ARMC2: variants seen among roughly 807,000 people sequenced by gnomAD.
ARMC2 encodes armadillo repeat-containing protein 2.
Under a neutral mutation model 90.3 loss-of-function variants are expected in ARMC2, and 67 were observed. The observed-to-expected ratio is 0.74, with a 90% CI of 0.61 to 0.91. ARMC2 has a LOEUF of 0.91. Among genes scored for constraint, ARMC2 ranks in the 40% least tolerant of loss-of-function variants. The pLI is 0.00. For synonymous variants in ARMC2, 393 were observed against 393.0 expected, an observed-to-expected ratio of 1.00 and a Z score of 0.00; for missense variants, 920 against 1,030.9, an observed-to-expected ratio of 0.89 and a Z score of 1.47.
intron 5 of ARMC2, chr6:108,880,403 C>T (rs1474676675): frequency 6.2e-6 from 1 of 160,742 alleles, no homozygotes; most frequent in East Asian, 1.8e-4. Context: ...AGTTGCATTC[C>T]TTCATGGGAC....
At chr6:108,998,703 G>C in the ARMC2 span, 186 of 1,613,538 alleles carry the variant, frequency 1.2e-4, no homozygotes, top group Non-Finnish European at 1.5e-4. Flanking sequence ...TAAAACTACT[G>C]CATGTACCAA....
At chr6:109,012,093 G>A in the ARMC2 span, among the ~76,000 whole-genome samples, 1 of 152,180 alleles carries the variant, frequency 6.6e-6, no homozygotes, top group Non-Finnish European at 1.5e-5. Flanking sequence ...GCACATACAG[G>A]CATGCGATAA....
At chr6:108,946,669 GGTTAATAGAGA>G (rs1374879988) in intron 12 of ARMC2, among the ~76,000 whole-genome samples, 1 of 152,110 alleles carries the variant, frequency 6.6e-6, no homozygotes, top group Non-Finnish European at 1.5e-5. Flanking sequence ...TTAATTTTCT[GGTTAATAGAGA>G]GTTCGGATTT....
At chr6:108,956,615 T>A (rs1777604020) in intron 13 of ARMC2, among the ~76,000 whole-genome samples, 1 of 150,078 alleles carries the variant, frequency 6.7e-6, no homozygotes, top group South Asian at 2.1e-4. Flanking sequence ...GTGGGAGAAT[T>A]ACCTGAGCCC....
chr6:109,022,788 A>G, the ARMC2 span, among the ~76,000 whole-genome samples: 1 of 152,150 alleles, frequency 6.6e-6, no homozygotes, highest in Non-Finnish European at 1.5e-5. Flanking sequence ...TTCATTTTAG[A>G]AATGGGAAAC....
At chr6:108,989,729 G>GAGA in the ARMC2 span, among the ~76,000 whole-genome samples, 1 of 152,132 alleles carries the variant, frequency 6.6e-6, no homozygotes, top group Non-Finnish European at 1.5e-5. Context: ...GGGCTGCGAG[G>GAGA]AGAAGGATGG....
At chr6:108,859,238 T>A (rs1341820160) in intron 3 of ARMC2, among the ~76,000 whole-genome samples, 1 of 152,138 alleles carries the variant, frequency 6.6e-6, no homozygotes, top group Non-Finnish European at 1.5e-5. Context: ...CTTGGAGAAC[T>A]CTTCACACGT....
At chr6:109,038,911 A>AGG in the ARMC2 span, among the ~76,000 whole-genome samples, 3 of 149,790 alleles carry the variant, frequency 2.0e-5, no homozygotes, top group African/African-American at 7.5e-5. Context: ...AGAAAAAAGG[A>AGG]AGGAGGAGGA....
At chr6:109,037,426 C>T in the ARMC2 span, among the ~76,000 whole-genome samples, 10 of 152,104 alleles carry the variant, frequency 6.6e-5, no homozygotes, top group African/African-American at 2.4e-4. Context: ...TTAAAGCAAC[C>T]TTAATTCACG....
rs1304770840 is a variant in ARMC2, at chr6:108,854,375, A to G, written c.108A>G (p.Ala36=). ...AAATCATAAGTGAAGCAAGAAATGC[A>G]TTAAGAACAGTTAGAACCCAAAGAC... ...SAEIISEARN[A]LRTVRTQRPF... is the part of the protein sequence containing the mutation. Residue 36 remains alanine, a synonymous_variant, in exon 2 of 18, where the codon GCA becomes GCG. Transcript: ENST00000392644. The G allele has an allele frequency of 6.2e-7, 1 of 1,613,310 alleles. No homozygotes were observed. The highest frequency in any genetic ancestry group is 8.5e-7 in the Non-Finnish European group (1 of 1,179,754).
the ARMC2 span, among the ~76,000 whole-genome samples, chr6:109,033,813 A>G: frequency 4.6e-5 from 7 of 152,236 alleles, no homozygotes; most frequent in East Asian, 3.8e-4. Context: ...TAAATTAAGA[A>G]CAAGCTTTTA....
chr6:108,851,680 C>T (rs1774028130), intron 1 of ARMC2, among the ~76,000 whole-genome samples: 1 of 152,062 alleles, frequency 6.6e-6, no homozygotes, highest in South Asian at 2.1e-4. Flanking sequence ...GTGGCTCACA[C>T]CTGTAATCCC....
At chr6:108,930,606 T>C (rs1775458404) in intron 11 of ARMC2, among the ~76,000 whole-genome samples, 1 of 147,246 alleles carries the variant, frequency 6.8e-6, no homozygotes, top group South Asian at 2.2e-4. Flanking sequence ...TTTTTTTTTT[T>C]TTTTTTTTGA....
chr6:109,001,313 T>G, the ARMC2 span: 1 of 1,613,792 alleles, frequency 6.2e-7, no homozygotes, highest in Non-Finnish European at 8.5e-7. Flanking sequence ...GTGACGATAA[T>G]GTAGGGGTAA....
chr6:108,994,402 T>A, the ARMC2 span: 1 of 1,371,114 alleles, frequency 7.3e-7, no homozygotes, highest in East Asian at 2.3e-5. Context: ...TTATTTAAAT[T>A]CTCTAAATAA....
At chr6:108,996,127 C>T in the ARMC2 span, among the ~76,000 whole-genome samples, 14,969 of 152,214 alleles carry the variant, frequency 0.098, 902 homozygotes, top group Middle Eastern at 0.19. Context: ...TTGTATATAT[C>T]CCAAGCCTAG....
intron 5 of ARMC2, among the ~76,000 whole-genome samples, chr6:108,878,943 A>G (rs1777202557): frequency 6.6e-6 from 1 of 151,736 alleles, no homozygotes; most frequent in African/African-American, 2.4e-5. Context: ...CTACCCATAC[A>G]TCCACCCAGA....
chr6:108,954,099 C>T (rs567753448), intron 13 of ARMC2, among the ~76,000 whole-genome samples: 38 of 152,280 alleles, frequency 2.5e-4, no homozygotes, highest in African/African-American at 8.4e-4. Context: ...ATAAAGTCAC[C>T]AATCCTATCA....
rs1388015594 is a variant in ARMC2 at position 108,974,287 on chromosome 6, A to G, written c.*773A>G. ...AAGTAACTTAATTTCTTGAGCTGCA[A>G]CTGCAAAATGGGAATCATATCAATT... On this transcript the variant is annotated 3_prime_UTR_variant, in exon 18 of 18. Coordinates refer to ENST00000392644, the MANE Select transcript of ARMC2 (RefSeq NM_032131.6). The G allele has an allele frequency of 1.3e-5, 2 of 152,216 alleles. No homozygotes were observed. Among genetic ancestry groups the G allele is most frequent in the African/African-American group, 2.4e-5 (1 of 41,442 alleles). The allele number at this position is 152,216 out of a possible 1,614,324, so 9.4% of individuals were successfully genotyped here.
Sources: gnomAD v4.1 joint callset for allele counts (sites outside exome capture counted in the v4.1 genomes callset) on GRCh38, gnomAD v4.1.1 for gene constraint, MANE v1.5 for transcripts, NCBI Gene and HGNC (gene_info 2026-07-23, HGNC 2026-07-21) for gene names.